RASGEF1C: variants seen among roughly 807,000 people sequenced by gnomAD.
The protein encoded by RASGEF1C is RasGEF domain family member 1C, also known as ras-GEF domain-containing family member 1C.
A neutral mutation model predicts 58.1 loss-of-function variants in RASGEF1C; 27 were observed. That is an observed-to-expected ratio of 0.46 (90% CI 0.34 to 0.64). The LOEUF (loss-of-function observed/expected upper bound fraction) is 0.64, where lower values mean the gene tolerates loss of function less well. RASGEF1C is among the 30% of genes least tolerant of loss of function. The pLI, the probability that RASGEF1C is intolerant of heterozygous loss-of-function variation, is 0.01. For synonymous variants in RASGEF1C, 243 were observed against 246.3 expected, an observed-to-expected ratio of 0.99 and a Z score of 0.13; for missense variants, 502 against 605.1, an observed-to-expected ratio of 0.83 and a Z score of 1.79.
At chr5:180,130,219 G>A (rs1279583059) in intron 4 of RASGEF1C, among the ~76,000 whole-genome samples, 1 of 152,250 alleles carries the variant, frequency 6.6e-6, no homozygotes, top group Non-Finnish European at 1.5e-5. Flanking sequence ...GTACTGTTGG[G>A]AGCAGAGGCC....
chr5:180,196,899 T>C lies in RASGEF1C; in HGVS notation c.-7+12129A>G, dbSNP rs73338739. Among the ~76,000 whole-genome samples, 1,309 of 152,336 alleles carry C rather than the reference T, an allele frequency of 8.6e-3. 20 individuals carry two copies. Among genetic ancestry groups the C allele is most frequent in the Middle Eastern group, 0.034 (10 of 294 alleles). ...TAGGAAGCACTCAATAAAAATTCTG[T>C]ATTTCAAAGCAACACCTAGCTGCAG... On this transcript the variant is annotated intron_variant, in intron 1 of 13. Coordinates refer to ENST00000361132, the MANE Select transcript of RASGEF1C (RefSeq NM_175062.4).
intron 12 of RASGEF1C, among the ~76,000 whole-genome samples, chr5:180,104,865 GTTGT>G (rs1367504636): frequency 1.3e-5 from 2 of 152,198 alleles, no homozygotes; most frequent in South Asian, 2.1e-4. Flanking sequence ...TGTGTGTGGA[GTTGT>G]TTGTCGTATT....
chr5:180,115,444 C>T (rs572176386), intron 10 of RASGEF1C: 15 of 324,064 alleles, frequency 4.6e-5, no homozygotes, highest in African/African-American at 1.3e-4. Context: ...TGAAGGGCTG[C>T]GGGCTGCGTG....
At chr5:180,128,287 G>T (rs1156362997) in intron 5 of RASGEF1C, 123 bp downstream of exon 5, 1 of 925,592 alleles carries the variant, frequency 1.1e-6, no homozygotes, top group East Asian at 2.4e-5. Flanking sequence ...GTGCATGCTC[G>T]AGGCTAGGCC....
intron 1 of RASGEF1C, among the ~76,000 whole-genome samples, chr5:180,195,870 C>T (rs569111108): frequency 6.6e-6 from 1 of 152,246 alleles, no homozygotes; most frequent in Admixed American, 6.5e-5. Flanking sequence ...TCCTCCCTGC[C>T]CACAGATCCT....
chr5:180,175,238 G>A (rs1452217599), intron 1 of RASGEF1C, among the ~76,000 whole-genome samples: 3 of 152,206 alleles, frequency 2.0e-5, no homozygotes, highest in Non-Finnish European at 4.4e-5. Context: ...CCCCCCCAGC[G>A]CCGGGGAAAG....
chr5:180,147,808 A>T (rs114997760), intron 1 of RASGEF1C, among the ~76,000 whole-genome samples: 1,671 of 152,280 alleles, frequency 0.011, 34 homozygotes, highest in African/African-American at 0.038. Flanking sequence ...TGTTAGACCT[A>T]GTTGGCTTAT....
chr5:180,125,603 A>T (rs10479562), intron 6 of RASGEF1C, among the ~76,000 whole-genome samples: 6,361 of 152,114 alleles, frequency 0.042, 476 homozygotes, highest in African/African-American at 0.15. Context: ...ACCAACATGG[A>T]GAACCCTTGT....
rs1211677095 is a variant in RASGEF1C, at chr5:180,209,117, CCGCCGCCGCCGCCG to C, written c.-110_-97del. On this transcript the variant is annotated 5_prime_UTR_variant, in exon 1 of 14. Coordinates refer to ENST00000361132, the MANE Select transcript of RASGEF1C (RefSeq NM_175062.4). ...CCGCGGACCGGGGCGCCGCCCGCCG[CCGCCGCCGCCGCCG>C]CCGCCGCCGCCGCCGCCGCCCGACC... 5 of 536 alleles carry C rather than the reference CCGCCGCCGCCGCCG, an allele frequency of 9.3e-3. No homozygotes were observed. The Non-Finnish European group carries it at 0.11, about 11-fold the overall frequency. 0.0% of individuals were successfully genotyped at this position (536 alleles called of 1,614,324 possible).
At chr5:180,165,354 C>T (rs1199954569) in intron 1 of RASGEF1C, among the ~76,000 whole-genome samples, 1 of 151,998 alleles carries the variant, frequency 6.6e-6, no homozygotes, top group Non-Finnish European at 1.5e-5. Context: ...CAATGATTTT[C>T]TTTTTTCTTT....
chr5:180,156,544 A>G lies in RASGEF1C; in HGVS notation c.-6-18486T>C, dbSNP rs920798913. ...TAGCACTTTGGGAAGCTGAGCATGC[A>G]GAGTGCTTGAGTCCAGCAGTTCAAG... is the stretch of plus-strand genomic sequence containing the variant. On this transcript the variant is annotated intron_variant, in intron 1 of 13. Transcript: ENST00000361132. The surrounding 1 kb of genome is among the most constrained non-coding windows in gnomAD (Gnocchi z 4.9). Among the ~76,000 whole-genome samples the G allele has an allele frequency of 2.0e-5, 3 of 152,214 alleles. No homozygotes were observed. Among genetic ancestry groups the G allele is most frequent in the Non-Finnish European group, 2.9e-5 (2 of 68,034 alleles).
rs1455129419 is a variant in RASGEF1C at position 180,112,965 on chromosome 5, G to A, written c.1180-1385C>T. On this transcript the variant is annotated intron_variant, in intron 11 of 13. Coordinates refer to ENST00000361132, the MANE Select transcript of RASGEF1C (RefSeq NM_175062.4). Reference sequence around the variant, plus strand: ...GGACCGGGGATGGACGGAGGGACCGGGGATGGACGGAGGGACCGGGGATGG... The same window carrying A: ...GGACCGGGGATGGACGGAGGGACCGAGGATGGACGGAGGGACCGGGGATGG... Among the ~76,000 whole-genome samples, 83 of 137,832 alleles carry A rather than the reference G, an allele frequency of 6.0e-4. No individual in the cohort carries two copies. In the East Asian group the frequency reaches 8.9e-3, roughly 15 times the overall value. The allele number at this position is 137,832 out of a possible 152,430, so 90.4% of individuals were successfully genotyped here.
chr5:180,146,106 T>G (rs534340306), intron 1 of RASGEF1C, among the ~76,000 whole-genome samples: 2 of 152,324 alleles, frequency 1.3e-5, no homozygotes, highest in South Asian at 4.1e-4. Flanking sequence ...TGGTATCATA[T>G]CCAAAAAGTC....
chr5:180,190,329 CA>C (rs1472407556), intron 1 of RASGEF1C, among the ~76,000 whole-genome samples: 3 of 151,098 alleles, frequency 2.0e-5, no homozygotes, highest in Non-Finnish European at 3.0e-5. Flanking sequence ...CTACTAAAAA[CA>C]AAACAAAAAA....
At chr5:180,151,444 G>C (rs866581022) in intron 1 of RASGEF1C, among the ~76,000 whole-genome samples, 10 of 152,236 alleles carry the variant, frequency 6.6e-5, no homozygotes, top group Admixed American at 1.3e-4. Context: ...CTTTGACAAA[G>C]CAGACAAAAA....
chr5:180,131,401 G>A (rs748410963), intron 4 of RASGEF1C, among the ~76,000 whole-genome samples: 1 of 152,094 alleles, frequency 6.6e-6, no homozygotes, highest in Non-Finnish European at 1.5e-5. Context: ...GCAGGATCTG[G>A]ACAGCTTTCT....
chr5:180,203,722 C>T (rs544289784), intron 1 of RASGEF1C, among the ~76,000 whole-genome samples: 28 of 152,298 alleles, frequency 1.8e-4, no homozygotes, highest in Non-Finnish European at 3.8e-4. Flanking sequence ...AGGCTGGGCG[C>T]GGTGGCTCAC....
chr5:180,118,481 A>G, intron 10 of RASGEF1C, 128 bp downstream of exon 10: 1 of 846,860 alleles, frequency 1.2e-6, no homozygotes, highest in Non-Finnish European at 1.8e-6. Flanking sequence ...CGCTGGAGGC[A>G]CGCAAGCAAG....
In RASGEF1C at chr5:180,136,388, G is replaced by A; in HGVS notation, c.428C>T (p.Pro143Leu). ...CGCCCAGCTGCCCACCTCGTCACAG[G>A]GGGCGATGCGGCCCACGACGTCCTT... The part of the protein sequence containing the change: ...HLKDVVGRIA[P>L]CDEAYRKRMH... The change falls in exon 4 of 14, where the codon CCC becomes CTC. Residue 143 changes from proline (P) to leucine (L), a missense_variant. Physicochemically the swap from Pro to Leu is moderately conservative, Grantham distance 98. Coordinates refer to ENST00000361132, the MANE Select transcript of RASGEF1C (RefSeq NM_175062.4). 1 of 1,556,814 alleles carries A rather than the reference G, an allele frequency of 6.4e-7. No homozygotes were observed. The highest frequency in any genetic ancestry group is 8.7e-7 in the Non-Finnish European group (1 of 1,150,300).
Sources: allele counts gnomAD v4.1 joint callset (sites outside exome capture counted in the v4.1 genomes callset), GRCh38; gene constraint gnomAD v4.1.1; non-coding constraint Gnocchi (gnomAD v3.1); transcripts MANE v1.5; gene names NCBI Gene and HGNC (gene_info 2026-07-23, HGNC 2026-07-21).